GUSB: variants seen among roughly 807,000 people sequenced by gnomAD.
The protein encoded by GUSB is beta-glucuronidase.
A neutral mutation model predicts 74.6 loss-of-function variants in GUSB; 51 were observed. That is an observed-to-expected ratio of 0.68 (90% CI 0.55 to 0.86). The LOEUF is 0.86. GUSB is among the 40% of genes least tolerant of loss of function. GUSB has a pLI of 0.00. For synonymous variants in GUSB, 360 were observed against 348.3 expected, an observed-to-expected ratio of 1.03 and a Z score of -0.37; for missense variants, 736 against 853.7, an observed-to-expected ratio of 0.86 and a Z score of 1.72.
At chr7:65,971,343 G>A (rs1791196955) in intron 8 of GUSB, among the ~76,000 whole-genome samples, 1 of 152,210 alleles carries the variant, frequency 6.6e-6, no homozygotes, top group African/African-American at 2.4e-5. Context: ...GGCGGCTCAC[G>A]CCTAGAATCC....
rs1276640900 is a variant in GUSB, at chr7:65,979,807, T to G, written c.501A>C (p.Arg167=). Reference sequence around the variant, plus strand: ...GTGTGTTGTTGATGGCGATAGTGATTCGGAGCCGGGAGGGCAGGGGCCCCA... The same window carrying G: ...GTGTGTTGTTGATGGCGATAGTGATGCGGAGCCGGGAGGGCAGGGGCCCCA... The part of the protein sequence containing the change: ...VQVGPLPSRL[R]ITIAINNTLT... The change falls in exon 3 of 12, where the codon CGA becomes CGC. Residue 167 remains arginine (R), a synonymous_variant. Coordinates refer to ENST00000304895, the MANE Select transcript of GUSB (RefSeq NM_000181.4). The G allele has an allele frequency of 1.2e-6, 2 of 1,613,668 alleles. No individual in the cohort carries two copies. The highest frequency in any genetic ancestry group is 2.7e-5 in the African/African-American group (2 of 74,922).
In GUSB at chr7:65,960,973, C is replaced by A. The variant is rs1236992554; in HGVS notation, c.1880G>T (p.Trp627Leu). Residue 627 changes from tryptophan to leucine, a missense_variant, in exon 12 of 12, where the codon TGG becomes TTG. By Grantham distance (61) the Trp-to-Leu change is moderately conservative. Coordinates refer to ENST00000304895, the MANE Select transcript of GUSB (RefSeq NM_000181.4). Reference sequence around the variant, plus strand: ...ATACCTGGTTTCATTGGCAATCTTCCAGTATCTCTCTCGCAAAAGGAACGC... The same window carrying A: ...ATACCTGGTTTCATTGGCAATCTTCAAGTATCTCTCTCGCAAAAGGAACGC... The part of the protein sequence containing the change: ...SAAFLLRERY[W>L]KIANETRYPH... 3.1e-6 allele frequency: 5 copies of A among 1,613,518 alleles called. No homozygotes were observed. Among genetic ancestry groups the A allele is most frequent in the African/African-American group, 1.3e-5 (1 of 74,796 alleles).
chr7:65,974,408 G>A lies in GUSB; in HGVS notation c.1278C>T (p.His426=). 1 of 1,614,014 alleles carries A rather than the reference G, an allele frequency of 6.2e-7. No individual in the cohort carries two copies. Among genetic ancestry groups the A allele is most frequent in the South Asian group, 1.1e-5 (1 of 91,072 alleles). Residue 426 remains histidine (H), a synonymous_variant, in exon 8 of 12, where the codon CAC becomes CAT. Coordinates refer to ENST00000304895, the MANE Select transcript of GUSB (RefSeq NM_000181.4). ...QFFNNVSLHH[H]MQVMEEVVRR... is the part of the protein sequence containing the mutation. ...GCACCACTTCTTCCATCACCTGCAT[G>A]TGGTGATGCAGAGAAACGTTGTTGA...
chr7:65,981,062 C>A (rs1386953128), intron 1 of GUSB, among the ~76,000 whole-genome samples: 2 of 152,158 alleles, frequency 1.3e-5, no homozygotes, highest in Admixed American at 1.3e-4. Flanking sequence ...ATCCCCGGGC[C>A]CAGCTCTGTG....
chr7:65,975,829 T>TG (rs1160656794), intron 5 of GUSB, 186 bp downstream of exon 5: 1 of 544,650 alleles, frequency 1.8e-6, no homozygotes, highest in Admixed American at 3.5e-5. Context: ...CCAGCCTGGG[T>TG]GACAGAGTGA....
intron 10 of GUSB, 105 bp downstream of exon 10, chr7:65,967,626 G>T: frequency 1.0e-6 from 1 of 973,238 alleles, no homozygotes; most frequent in Non-Finnish European, 1.6e-6. Flanking sequence ...AGAGCCCAAA[G>T]CTGAAGCGAG....
chr7:65,966,857 A>G (rs1324691422), intron 10 of GUSB, among the ~76,000 whole-genome samples: 1 of 152,146 alleles, frequency 6.6e-6, no homozygotes, highest in Non-Finnish European at 1.5e-5. Flanking sequence ...CAAGGCAGGA[A>G]GATCAATTGA....
At chr7:65,977,667 G>A (rs1425724881) in intron 4 of GUSB, among the ~76,000 whole-genome samples, 1 of 151,866 alleles carries the variant, frequency 6.6e-6, no homozygotes, top group Non-Finnish European at 1.5e-5. Flanking sequence ...TGGGATGACA[G>A]GCATTAGCCA....
intron 8 of GUSB, among the ~76,000 whole-genome samples, chr7:65,972,128 C>T (rs1006905787): frequency 6.6e-6 from 1 of 152,120 alleles, no homozygotes; most frequent in African/African-American, 2.4e-5. Context: ...GAGCTCCTGG[C>T]ACCTGCCCGA....
chr7:65,982,142 C>A lies in GUSB; in HGVS notation c.42G>T (p.Pro14=). ...GCCCCAGCGCGCAGCCCCACAACAA[C>A]GGCCCGAGCGCCGCCCAGGCAACCG... ...GSAVAWAALG[P]LLWGCALGLQ... is the part of the protein sequence containing the mutation. The change falls in exon 1 of 12, where the codon CCG becomes CCT. Residue 14 remains proline, a synonymous_variant. Transcript: ENST00000304895. 6.5e-7 allele frequency: 1 copy of A among 1,543,074 alleles called. No homozygotes were observed. Among genetic ancestry groups the A allele is most frequent in the Non-Finnish European group, 8.7e-7 (1 of 1,145,008 alleles).
Position 65,974,892 on chromosome 7 carries a change from G to C in GUSB, c.1065+27C>G, listed in dbSNP as rs781143. 0.56 allele frequency: 898,224 copies of C among 1,609,890 alleles called. 255,505 individuals carry two copies. Among genetic ancestry groups the C allele is most frequent in the East Asian group, 0.86 (38,362 of 44,838 alleles). ...GTGGAGGGTGACCAGAAGCAGCCCC[G>C]ACAAGGACCCAGGAGCCCCAACACA... is the stretch of plus-strand genomic sequence containing the variant. On this transcript the variant is annotated intron_variant, in intron 6 of 11. Coordinates refer to ENST00000304895, the MANE Select transcript of GUSB (RefSeq NM_000181.4).
chr7:65,970,350 T>C lies in GUSB; in HGVS notation c.1408A>G (p.Thr470Ala). 5 of 1,612,208 alleles carry C rather than the reference T, an allele frequency of 3.1e-6. No homozygotes were observed. Among genetic ancestry groups the C allele is most frequent in the Non-Finnish European group, 4.2e-6 (5 of 1,178,842 alleles). ...GGCCGGGAGGGGTCCAAGGATTTGG[T>C]GTGAGCGATCACCATCCTGTCCACA... Reference protein sequence around the residue: ...GYYLKMVIAHTKSLDPSRPVT... With the variant: ...GYYLKMVIAHAKSLDPSRPVT... The change falls in exon 9 of 12, where the codon ACC (threonine) becomes GCC (alanine). Residue 470 changes from threonine to alanine, a missense_variant. Physicochemically the swap from Thr to Ala is moderately conservative, Grantham distance 58. This residue lies in a region of GUSB where 368 missense variants were observed against 489.9 expected (regional missense o/e 0.75). Coordinates refer to ENST00000304895, the MANE Select transcript of GUSB (RefSeq NM_000181.4).
Position 65,980,269 on chromosome 7 carries a change from T to A in GUSB, c.351A>T (p.Thr117=). 1 of 1,518,844 alleles carries A rather than the reference T, an allele frequency of 6.6e-7. No individual in the cohort carries two copies. Among genetic ancestry groups the A allele is most frequent in the Non-Finnish European group, 8.9e-7 (1 of 1,121,370 alleles). The allele number at this position is 1,518,844 out of a possible 1,614,324, so 94.1% of individuals were successfully genotyped here. A position where few individuals can be genotyped will look rare whatever the true frequency, so the allele number is the denominator to read the frequency against. The part of the protein sequence containing the change: ...LPERWTQDLR[T]RVVLRIGSAH... ...CACTGCCAATCCTCAGCACCACTCT[T>A]GTGCGCAGGTCCTGGGTCCATCGCT... The change falls in exon 2 of 12, where the codon ACA becomes ACT. Residue 117 remains threonine, a synonymous_variant. Coordinates refer to ENST00000304895, the MANE Select transcript of GUSB (RefSeq NM_000181.4).
rs924657766 is a variant in GUSB, at chr7:65,979,288, G to T, written c.724+111C>A. 4 of 1,067,510 alleles carry T rather than the reference G, an allele frequency of 3.7e-6. No individual in the cohort carries two copies. The South Asian group carries it at 5.0e-5, about 13-fold the overall frequency. The allele number at this position is 1,067,510 out of a possible 1,614,324, so 66.1% of individuals were successfully genotyped here. Reference sequence around the variant, plus strand: ...TAGCTTCATAGGTGGAAGGGAATCTGTGAGGGTGTAGAGATGCTGGGAGCA... The same window carrying T: ...TAGCTTCATAGGTGGAAGGGAATCTTTGAGGGTGTAGAGATGCTGGGAGCA... On this transcript the variant is annotated intron_variant, in intron 4 of 11. Transcript: ENST00000304895.
rs751397640 is a variant in GUSB at position 65,967,802 on chromosome 7, A to G, written c.1582T>C (p.Trp528Arg). The part of the protein sequence containing the change: ...QLQLATQFEN[W>R]YKKYQKPIIQ... ...ATGGGCTTCTGATACTTCTTATACCAGTTCTCAAACTGGGTGGCCAGCTGC... is the reference window on the plus strand; with the variant it reads ...ATGGGCTTCTGATACTTCTTATACCGGTTCTCAAACTGGGTGGCCAGCTGC... The change falls in exon 10 of 12, where the codon TGG becomes CGG. Residue 528 changes from tryptophan (W) to arginine (R), a missense_variant. By Grantham distance (101) the Trp-to-Arg change is moderately radical (BLOSUM62 -3). Transcript: ENST00000304895. 1 of 1,612,740 alleles carries G rather than the reference A, an allele frequency of 6.2e-7. No homozygotes were observed. The highest frequency in any genetic ancestry group is 1.1e-5 in the South Asian group (1 of 91,074).
chr7:65,973,933 A>AC (rs1173973226), intron 8 of GUSB, among the ~76,000 whole-genome samples: 1 of 142,752 alleles, frequency 7.0e-6, no homozygotes, highest in African/African-American at 2.6e-5. Flanking sequence ...ACCCATTTTG[A>AC]AAAAAAAAAA....
chr7:65,978,686 C>A (rs563824429), intron 4 of GUSB, among the ~76,000 whole-genome samples: 44 of 139,680 alleles, frequency 3.2e-4, no homozygotes, highest in Non-Finnish European at 5.4e-4. Flanking sequence ...GCAGGAGAAT[C>A]GCTTGAACCC....
At chr7:65,980,183 G>GTC (rs1562695930) in intron 2 of GUSB, 41 bp downstream of exon 2, 2 of 748,808 alleles carry the variant, frequency 2.7e-6, no homozygotes, top group Non-Finnish European at 2.4e-6. Context: ...TTCAGCAGCC[G>GTC]TGCCCCCCCA....
In GUSB at chr7:65,960,997, G is replaced by A. The variant is rs121918172; in HGVS notation, c.1856C>T (p.Ala619Val). The change falls in exon 12 of 12, where the codon GCG (alanine) becomes GTG (valine). Residue 619 changes from alanine (A) to valine (V), a missense_variant. Physicochemically the swap from Ala to Val is moderately conservative, Grantham distance 64. Around this residue, in one of 2 missense-constraint regions of GUSB, gnomAD observed 368 missense variants for 489.9 expected, o/e 0.75. Transcript: ENST00000304895. ...CCAGTATCTCTCTCGCAAAAGGAACGCTGCACTTTTTGGTTGTCTCTGCCG... is the reference window on the plus strand; with the variant it reads ...CCAGTATCTCTCTCGCAAAAGGAACACTGCACTTTTTGGTTGTCTCTGCCG... ...FTRQRQPKSA[A>V]FLLRERYWKI... is the part of the protein sequence containing the mutation. The A allele has an allele frequency of 2.6e-5, 42 of 1,612,926 alleles. No individual in the cohort carries two copies. Among genetic ancestry groups the A allele is most frequent in the African/African-American group, 4.0e-5 (3 of 74,654 alleles).
Sources: allele counts gnomAD v4.1 joint callset (sites outside exome capture counted in the v4.1 genomes callset), GRCh38; gene constraint gnomAD v4.1.1; regional missense constraint gnomAD v4.1.1; transcripts MANE v1.5; gene names NCBI Gene and HGNC (gene_info 2026-07-23, HGNC 2026-07-21).